PTPRD: variants seen among roughly 807,000 people sequenced by gnomAD.
PTPRD encodes the protein receptor-type tyrosine-protein phosphatase delta.
A neutral mutation model predicts 214.5 loss-of-function variants in PTPRD; 34 were observed. That is an observed-to-expected ratio of 0.16 (90% CI 0.12 to 0.21). PTPRD has a LOEUF of 0.21. Among genes scored for constraint, PTPRD ranks in the 10% least tolerant of loss-of-function variants. PTPRD has a pLI of 1.00. For synonymous variants in PTPRD, 1,128 were observed against 845.7 expected, an observed-to-expected ratio of 1.33 and a Z score of -5.79; for missense variants, 2,545 against 2,398.7, an observed-to-expected ratio of 1.06 and a Z score of -1.27.
intron 8 of PTPRD, among the ~76,000 whole-genome samples, chr9:9,564,110 A>G (rs2154294708): frequency 6.6e-6 from 1 of 152,246 alleles, no homozygotes; most frequent in East Asian, 1.9e-4. Flanking sequence ...GCCTCCCAAG[A>G]GTGTATTTAA....
intron 7 of PTPRD, among the ~76,000 whole-genome samples, chr9:9,711,421 T>A (rs1478592654): frequency 6.6e-6 from 1 of 152,152 alleles, no homozygotes; most frequent in African/African-American, 2.4e-5. Context: ...ATTTACTTTG[T>A]ATCTATTATT....
chr9:10,586,073 T>C (rs554762459), intron 2 of PTPRD, among the ~76,000 whole-genome samples: 4 of 152,172 alleles, frequency 2.6e-5, no homozygotes, highest in African/African-American at 9.6e-5. Context: ...GATGTTCTTT[T>C]CAAAACACAG....
chr9:8,974,236 G>A (rs1481992589), intron 11 of PTPRD, among the ~76,000 whole-genome samples: 5 of 152,090 alleles, frequency 3.3e-5, no homozygotes, highest in South Asian at 4.2e-4. Flanking sequence ...GTAGTGAAAG[G>A]TAAAGATCTA....
At chr9:8,419,197 G>C (rs1389452780) in intron 35 of PTPRD, among the ~76,000 whole-genome samples, 1 of 146,328 alleles carries the variant, frequency 6.8e-6, no homozygotes, top group South Asian at 2.1e-4. Context: ...CTGCACTCCA[G>C]TCTGGGAGAC....
At chr9:9,611,691 T>C (rs1368252715) in intron 7 of PTPRD, among the ~76,000 whole-genome samples, 1 of 152,108 alleles carries the variant, frequency 6.6e-6, no homozygotes, top group Non-Finnish European at 1.5e-5. Flanking sequence ...GACATATGTA[T>C]GTATATATAT....
intron 2 of PTPRD, among the ~76,000 whole-genome samples, chr9:10,433,151 G>A (rs976304909): frequency 4.0e-5 from 6 of 151,636 alleles, no homozygotes; most frequent in Non-Finnish European, 5.9e-5. Flanking sequence ...CAGCTGTCAT[G>A]CAATAACTCA....
chr9:10,317,879 T>C (rs2096472944), intron 3 of PTPRD, among the ~76,000 whole-genome samples: 1 of 152,060 alleles, frequency 6.6e-6, no homozygotes, highest in African/African-American at 2.4e-5. Flanking sequence ...TGATTTTTAA[T>C]ACTTGATAGT....
At chr9:10,459,106 T>A (rs183841983) in intron 2 of PTPRD, among the ~76,000 whole-genome samples, 1 of 152,282 alleles carries the variant, frequency 6.6e-6, no homozygotes, top group East Asian at 1.9e-4. Flanking sequence ...TGTCCCTGTG[T>A]TCTCATCGTT....
At chr9:8,486,921 A>G (rs558670156) in intron 27 of PTPRD, among the ~76,000 whole-genome samples, 3 of 152,198 alleles carry the variant, frequency 2.0e-5, no homozygotes, top group Non-Finnish European at 4.4e-5. Context: ...TGAGAAATCT[A>G]TAAGGCAAAC....
intron 5 of PTPRD, among the ~76,000 whole-genome samples, chr9:9,926,865 T>C (rs1340276058): frequency 6.6e-6 from 1 of 152,192 alleles, no homozygotes; most frequent in Non-Finnish European, 1.5e-5. Context: ...TGTTATATCA[T>C]AAATTGGAAT....
At chr9:10,233,648 C>T (rs1471989660) in intron 3 of PTPRD, among the ~76,000 whole-genome samples, 2 of 151,856 alleles carry the variant, frequency 1.3e-5, no homozygotes, top group African/African-American at 2.4e-5. Flanking sequence ...GTAAAATCTA[C>T]AGTTCAGTAT....
At chr9:9,989,069 C>T (rs569286311) in intron 4 of PTPRD, among the ~76,000 whole-genome samples, 1 of 145,988 alleles carries the variant, frequency 6.8e-6, no homozygotes, top group East Asian at 2.0e-4. Flanking sequence ...ACAGTTGCAC[C>T]CAAAGAGTTG....
chr9:8,520,090 C>A (rs1488286160), intron 20 of PTPRD, among the ~76,000 whole-genome samples: 1 of 152,152 alleles, frequency 6.6e-6, no homozygotes. Context: ...ATTTCCCCTA[C>A]ATGTCTTTCT....
intron 3 of PTPRD, among the ~76,000 whole-genome samples, chr9:10,121,342 G>A (rs1481086279): frequency 6.6e-6 from 1 of 152,064 alleles, no homozygotes; most frequent in Non-Finnish European, 1.5e-5. Context: ...ATTTCAATTT[G>A]GAAGCAGATT....
intron 2 of PTPRD, among the ~76,000 whole-genome samples, chr9:10,345,441 G>A: frequency 9.3e-6 from 1 of 107,572 alleles, no homozygotes; most frequent in Admixed American, 1.3e-4. Context: ...ACATGCCCCA[G>A]TGTGTGAGGT....
At chr9:10,479,451 A>G (rs1037556228) in intron 2 of PTPRD, among the ~76,000 whole-genome samples, 12 of 152,012 alleles carry the variant, frequency 7.9e-5, no homozygotes, top group East Asian at 1.9e-4. Context: ...CTCAAACTTA[A>G]CTTGTACTCT....
intron 10 of PTPRD, among the ~76,000 whole-genome samples, chr9:9,102,817 G>A (rs1352349493): frequency 6.6e-6 from 1 of 151,800 alleles, no homozygotes; most frequent in East Asian, 1.9e-4. Context: ...ATGACACTTG[G>A]GAAAAAATAA....
At chr9:9,789,796 C>CAAAAAAAAAAA (rs774579667) in intron 5 of PTPRD, among the ~76,000 whole-genome samples, 2 of 40,828 alleles carry the variant, frequency 4.9e-5, no homozygotes, top group African/African-American at 8.1e-5. Flanking sequence ...AACTCTGTCT[C>CAAAAAAAAAAA]AAAAAAAAAA....
intron 12 of PTPRD, among the ~76,000 whole-genome samples, chr9:8,688,027 G>C (rs72700357): frequency 6.6e-6 from 1 of 151,938 alleles, no homozygotes; most frequent in Non-Finnish European, 1.5e-5. Flanking sequence ...TAAAAAGTTC[G>C]CTATATAATG....
Sources: gnomAD v4.1 joint callset for allele counts (sites outside exome capture counted in the v4.1 genomes callset) on GRCh38, gnomAD v4.1.1 for gene constraint, MANE v1.5 for transcripts, NCBI Gene and HGNC (gene_info 2026-07-23, HGNC 2026-07-21) for gene names.